Variants in CTIF observed in about 807,000 individuals in gnomAD.
CTIF encodes the protein CBP80/20-dependent translation initiation factor.
CTIF carries 21 observed loss-of-function variants against 66.0 expected under a neutral mutation model. The ratio of observed to expected loss-of-function variants is 0.32; its 90% CI spans 0.23 to 0.46. CTIF has a LOEUF of 0.46. Ranked by LOEUF, CTIF falls within the 20% of genes least tolerant of loss-of-function variation. The pLI is 1.00. For missense variants in CTIF, 739 were observed against 812.7 expected, an observed-to-expected ratio of 0.91 and a Z score of 1.10; for synonymous variants, 345 against 326.4, an observed-to-expected ratio of 1.06 and a Z score of -0.62.
chr18:48,670,568 A>G (rs1399362850), intron 5 of CTIF, 101 bp from the exon 6 acceptor site: 5 of 1,051,176 alleles, frequency 4.8e-6, no homozygotes, highest in Non-Finnish European at 7.4e-6. Context: ...GGTGGGCAGC[A>G]CCAGGTATCT....
At chr18:48,654,877 G>GA (rs1297656137) in intron 3 of CTIF, among the ~76,000 whole-genome samples, 8 of 151,890 alleles carry the variant, frequency 5.3e-5, no homozygotes, top group Non-Finnish European at 8.8e-5. Flanking sequence ...CACAAGGACA[G>GA]AAAACCAAAC....
chr18:48,833,275 C>T lies in CTIF; in HGVS notation c.1527+15899C>T, dbSNP rs1278013026. Among the ~76,000 whole-genome samples, 15 of 152,170 alleles carry T rather than the reference C, an allele frequency of 9.9e-5. 1 individual carries two copies. The highest frequency in any genetic ancestry group is 1.3e-4 in the Non-Finnish European group (9 of 68,026). On this transcript the variant is annotated intron_variant, in intron 10 of 11. Transcript: ENST00000256413. ...CCAGAGTTGAGACTTGCTTGGCTAA[C>T]GCTGCAGGCGGGAGGCCTCGTGGGG...
chr18:48,838,787 G>A (rs2146522534), intron 10 of CTIF, among the ~76,000 whole-genome samples: 1 of 152,322 alleles, frequency 6.6e-6, no homozygotes, highest in East Asian at 1.9e-4. Context: ...CAGCAATAGT[G>A]ATTTGCCAGG....
intron 1 of CTIF, among the ~76,000 whole-genome samples, chr18:48,545,878 C>G (rs1042063172): frequency 6.6e-6 from 1 of 151,982 alleles, no homozygotes; most frequent in Non-Finnish European, 1.5e-5. Flanking sequence ...TTTGTCATGC[C>G]GGCCGCTGTC....
intron 1 of CTIF, among the ~76,000 whole-genome samples, chr18:48,602,827 A>T (rs181490724): frequency 6.7e-6 from 1 of 150,202 alleles, no homozygotes; most frequent in Non-Finnish European, 1.5e-5. Flanking sequence ...GAATGGGTGG[A>T]TGAATGGATG....
At chr18:48,680,084 T>A (rs2091714312) in intron 6 of CTIF, among the ~76,000 whole-genome samples, 1 of 152,170 alleles carries the variant, frequency 6.6e-6, no homozygotes, top group Non-Finnish European at 1.5e-5. Flanking sequence ...TCAGAAGCCG[T>A]GGGACAGGGC....
chr18:48,619,829 T>A, intron 2 of CTIF, 84 bp downstream of exon 2: 27 of 1,302,726 alleles, frequency 2.1e-5, no homozygotes, highest in Non-Finnish European at 2.7e-5. Context: ...AGCATCCAGT[T>A]GCCTGACACT....
At chr18:48,598,133 G>A (rs959777522) in intron 1 of CTIF, among the ~76,000 whole-genome samples, 3 of 152,194 alleles carry the variant, frequency 2.0e-5, no homozygotes, top group African/African-American at 7.2e-5. Context: ...GGTGGGCAGG[G>A]AAACCCCAGC....
intron 1 of CTIF, among the ~76,000 whole-genome samples, chr18:48,598,862 A>T (rs2090036078): frequency 1.3e-5 from 2 of 152,156 alleles, no homozygotes; most frequent in East Asian, 3.9e-4. Flanking sequence ...ATTAGTCTCC[A>T]CCTCCAACCC....
At chr18:48,769,999 C>T (rs550160901) in intron 9 of CTIF, among the ~76,000 whole-genome samples, 21 of 152,330 alleles carry the variant, frequency 1.4e-4, no homozygotes, top group Admixed American at 1.1e-3. Context: ...GGCGGGGGAA[C>T]ATGTGGCTTC....
At chr18:48,681,164 C>G (rs1176478458) in intron 6 of CTIF, among the ~76,000 whole-genome samples, 1 of 152,252 alleles carries the variant, frequency 6.6e-6, no homozygotes, top group African/African-American at 2.4e-5. Context: ...AGGGACCTCC[C>G]TCCTACACCC....
intron 9 of CTIF, among the ~76,000 whole-genome samples, chr18:48,774,161 C>T (rs560167741): frequency 3.4e-4 from 52 of 152,278 alleles, no homozygotes; most frequent in African/African-American, 1.2e-3. Context: ...TGAGGCCAAT[C>T]GGCATCATGT....
At position 48,825,733 on chromosome 18, in the gene CTIF, A is replaced by G. The variant is rs192638634; in HGVS notation, c.1527+8357A>G. 2.9e-3 allele frequency among the ~76,000 whole-genome samples: 443 copies of G among 152,322 alleles called. 1 individual carries two copies. Among genetic ancestry groups the G allele is most frequent in the Admixed American group, 4.6e-3 (71 of 15,298 alleles). On this transcript the variant is annotated intron_variant, in intron 10 of 11. Coordinates refer to ENST00000256413, the MANE Select transcript of CTIF (RefSeq NM_014772.3). ...GATAGTCTGTTCCCCAGGGGTAACA[A>G]TGAACTCTGATGGGGAGCAGAGATT...
In CTIF at chr18:48,788,977, G is replaced by A. The variant is rs1013288810; in HGVS notation, c.1371+27288G>A. 7.9e-5 allele frequency among the ~76,000 whole-genome samples: 12 copies of A among 152,274 alleles called. No homozygotes were observed. The South Asian group carries it at 1.5e-3, about 18-fold the overall frequency. On this transcript the variant is annotated intron_variant, in intron 9 of 11. Transcript: ENST00000256413. The stretch of plus-strand genomic sequence containing the variant: ...AATAGCACACCTCTTAGGCCTGGGA[G>A]ACCCTGGGCAGACTCAGGAGGACGT...
chr18:48,852,463 AC>A (rs1395716004), intron 10 of CTIF, among the ~76,000 whole-genome samples: 2 of 151,498 alleles, frequency 1.3e-5, no homozygotes, highest in East Asian at 3.9e-4. Flanking sequence ...CACACCCCCC[AC>A]CTCCAACTTT....
intron 7 of CTIF, among the ~76,000 whole-genome samples, chr18:48,727,363 G>A (rs2092395302): frequency 6.6e-6 from 1 of 152,128 alleles, no homozygotes; most frequent in African/African-American, 2.4e-5. Context: ...TGAATACTCT[G>A]GGCTCTTGGT....
intron 6 of CTIF, among the ~76,000 whole-genome samples, chr18:48,705,370 C>A (rs1174839521): frequency 6.6e-6 from 1 of 152,210 alleles, no homozygotes; most frequent in Non-Finnish European, 1.5e-5. Flanking sequence ...TGTGTCTCCT[C>A]CATCTTTCTG....
chr18:48,761,267 C>A lies in CTIF; in HGVS notation c.1072-123C>A. The A allele has an allele frequency of 1.1e-6, 1 of 882,326 alleles. No individual in the cohort carries two copies. The highest frequency in any genetic ancestry group is 1.7e-6 in the Non-Finnish European group (1 of 582,734). 54.7% of individuals were successfully genotyped at this position (882,326 alleles called of 1,614,324 possible). A position where few individuals can be genotyped will look rare whatever the true frequency, so the allele number is the denominator to read the frequency against. ...GGAGGTTCCCAGAGGGACCAGCCCT[C>A]AGATCCAGGGAAGTAGGCCTGGTCC... On this transcript the variant is annotated intron_variant, in intron 8 of 11. Transcript: ENST00000256413. This position sits in a 1 kb window ranked among gnomAD's most constrained non-coding sequence, Gnocchi z 4.2.
chr18:48,559,928 C>T (rs1475135495), intron 1 of CTIF, among the ~76,000 whole-genome samples: 1 of 152,102 alleles, frequency 6.6e-6, no homozygotes. Context: ...AGGAAACCTG[C>T]ACATGTACCC....
Sources: allele counts gnomAD v4.1 joint callset (sites outside exome capture counted in the v4.1 genomes callset), GRCh38; gene constraint gnomAD v4.1.1; non-coding constraint Gnocchi (gnomAD v3.1); transcripts MANE v1.5; gene names NCBI Gene and HGNC (gene_info 2026-07-23, HGNC 2026-07-21).